Variants in ZBBX observed in about 807,000 individuals in gnomAD.
ZBBX encodes the protein zinc finger B-box domain containing.
In ZBBX, 101 loss-of-function variants were observed where a neutral mutation model predicts 108.5. That is an observed-to-expected ratio of 0.93 (90% CI 0.79 to 1.10). The LOEUF is 1.10. ZBBX is among the 50% of genes least tolerant of loss of function. The probability of loss-of-function intolerance (pLI) is 0.00; values close to 1 mark genes in which losing one functional copy is unlikely to be tolerated. For missense variants in ZBBX, 1,009 were observed against 941.4 expected (o/e 1.07, Z -0.94); for synonymous variants, 356 against 323.4 (o/e 1.10, Z -1.08).
At chr3:167,283,727 C>A (rs537405398) in intron 19 of ZBBX, among the ~76,000 whole-genome samples, 64 of 152,222 alleles carry the variant, frequency 4.2e-4, no homozygotes, top group African/African-American at 1.5e-3. Context: ...CTCACTGCAA[C>A]CTTTGCCTCC....
At chr3:167,349,731 C>T (rs1742313117) in intron 9 of ZBBX, among the ~76,000 whole-genome samples, 1 of 151,940 alleles carries the variant, frequency 6.6e-6, no homozygotes, top group African/African-American at 2.4e-5. Context: ...TAGCACATAC[C>T]CTGCCTTCTA....
chr3:167,405,814 G>A lies in ZBBX; in HGVS notation c.-446+1912C>T, dbSNP rs936830258. On this transcript the variant is annotated intron_variant, in intron 1 of 21. Transcript: ENST00000455345. ...AGGCCGAGCGTGGTGGCTGACGCCT[G>A]TAATCCCAGCACTTTGTGAGGCTGA... 6.6e-4 allele frequency among the ~76,000 whole-genome samples: 100 copies of A among 152,218 alleles called. 8 individuals carry two copies. Among genetic ancestry groups the A allele is most frequent in the Non-Finnish European group, 1.5e-5 (1 of 68,046 alleles).
At chr3:167,247,256 G>C (rs1430011873) in intron 20 of ZBBX, among the ~76,000 whole-genome samples, 1 of 152,122 alleles carries the variant, frequency 6.6e-6, no homozygotes, top group Admixed American at 6.5e-5. Context: ...GACGTCAAGC[G>C]ATCATGCTGG....
intron 8 of ZBBX, among the ~76,000 whole-genome samples, chr3:167,359,063 G>A (rs1204793536): frequency 6.6e-6 from 1 of 151,282 alleles, no homozygotes; most frequent in Non-Finnish European, 1.5e-5. Flanking sequence ...CAACCCAAAT[G>A]TCATTCAATG....
the ZBBX span, among the ~76,000 whole-genome samples, chr3:167,212,745 T>C: frequency 6.6e-6 from 1 of 152,072 alleles, no homozygotes; most frequent in African/African-American, 2.4e-5. Context: ...AAGTGCCAAG[T>C]CATGAACTAC....
chr3:167,292,065 G>A (rs1419681423), intron 18 of ZBBX, among the ~76,000 whole-genome samples: 3 of 152,064 alleles, frequency 2.0e-5, no homozygotes, highest in Non-Finnish European at 4.4e-5. Context: ...GCAAGTTCTT[G>A]GAGACTACAA....
intron 9 of ZBBX, 45 bp from the exon 10 acceptor site, chr3:167,334,030 C>T: frequency 7.6e-7 from 1 of 1,310,668 alleles, no homozygotes; most frequent in East Asian, 2.5e-5. Context: ...CATATGTTAA[C>T]CTAAATAATT....
chr3:167,390,704 A>G (rs923312826), intron 1 of ZBBX, among the ~76,000 whole-genome samples: 5 of 152,034 alleles, frequency 3.3e-5, no homozygotes, highest in African/African-American at 1.2e-4. Context: ...GAGGTCCTTC[A>G]CATCCCCTGT....
In ZBBX at chr3:167,282,447, G is replaced by T; in HGVS notation, c.2045C>A (p.Ser682Tyr). The T allele has an allele frequency of 6.2e-7, 1 of 1,613,752 alleles. No individual in the cohort carries two copies. Among genetic ancestry groups the T allele is most frequent in the African/African-American group, 1.3e-5 (1 of 75,028 alleles). Residue 682 changes from serine to tyrosine, a missense_variant, in exon 20 of 22, where the codon TCT (serine) becomes TAT (tyrosine). Transcript: ENST00000675490. ...PSTANFPLSN[S>Y]VKESSSCLSS... ...AAGGCAACTGGAGCTTTCTTTAACA[G>T]AGTTGGAAAGTGGAAAATTTGCTGT...
At chr3:167,212,015 C>T in the ZBBX span, among the ~76,000 whole-genome samples, 2 of 151,930 alleles carry the variant, frequency 1.3e-5, no homozygotes, top group African/African-American at 4.8e-5. Context: ...GTTCTGATCC[C>T]ATTCCTCCTC....
chr3:167,298,546 G>A, intron 17 of ZBBX, 88 bp from the exon 18 acceptor site: 1 of 1,011,580 alleles, frequency 9.9e-7, no homozygotes. Context: ...CTTGGTATCT[G>A]ATATACTTGG....
chr3:167,225,405 G>A, the ZBBX span, among the ~76,000 whole-genome samples: 1 of 151,768 alleles, frequency 6.6e-6, no homozygotes, highest in African/African-American at 2.4e-5. Context: ...TTATACATGG[G>A]ATAAATAGTT....
chr3:167,332,231 C>T (rs1417703305), intron 10 of ZBBX, among the ~76,000 whole-genome samples: 1 of 151,912 alleles, frequency 6.6e-6, no homozygotes, highest in Non-Finnish European at 1.5e-5. Context: ...ATAGCAGTGA[C>T]TCCCAACAAG....
chr3:167,181,082 C>A, the ZBBX span, among the ~76,000 whole-genome samples: 1 of 152,126 alleles, frequency 6.6e-6, no homozygotes, highest in Admixed American at 6.5e-5. Context: ...ATCTGTTAAC[C>A]ATTTTAAAGG....
At chr3:167,351,453 A>C (rs899991441) in intron 8 of ZBBX, among the ~76,000 whole-genome samples, 7 of 152,280 alleles carry the variant, frequency 4.6e-5, no homozygotes, top group Admixed American at 3.9e-4. Flanking sequence ...AGATGATGGG[A>C]GACACCAAGG....
At chr3:167,401,804 G>T (rs138732401) in intron 1 of ZBBX, among the ~76,000 whole-genome samples, 2 of 152,164 alleles carry the variant, frequency 1.3e-5, no homozygotes, top group East Asian at 3.9e-4. Context: ...CCCATGGGTC[G>T]CAGCCTCATT....
chr3:167,387,499 T>C (rs991278274), intron 1 of ZBBX, among the ~76,000 whole-genome samples: 9 of 151,976 alleles, frequency 5.9e-5, no homozygotes, highest in Non-Finnish European at 1.5e-5. Context: ...CATACTGGTA[T>C]GGAGCGTGGG....
chr3:167,391,559 G>A lies in ZBBX; in HGVS notation c.-445-11154C>T, dbSNP rs1194273030. 3.3e-5 allele frequency among the ~76,000 whole-genome samples: 5 copies of A among 152,100 alleles called. No individual in the cohort carries two copies. The East Asian group carries it at 9.7e-4, about 30-fold the overall frequency. ...TGTTTGGAATAATTTCAGAAGGAAT[G>A]GTACCAGCTCCTCTTTGTACCTCTG... is the stretch of plus-strand genomic sequence containing the variant. On this transcript the variant is annotated intron_variant, in intron 1 of 21. Transcript: ENST00000455345.
intron 9 of ZBBX, among the ~76,000 whole-genome samples, chr3:167,348,222 G>GGAGA (rs1331503978): frequency 7.3e-6 from 1 of 136,890 alleles, no homozygotes; most frequent in Non-Finnish European, 1.6e-5. Context: ...AGGAAGCAAG[G>GGAGA]GAGGGAGGAG....
Sources: gnomAD v4.1 joint callset for allele counts (sites outside exome capture counted in the v4.1 genomes callset) on GRCh38, gnomAD v4.1.1 for gene constraint, MANE v1.5 for transcripts, NCBI Gene and HGNC (gene_info 2026-07-23, HGNC 2026-07-21) for gene names.